The following PTP4A1 variants were observed in gnomAD, a reference collection of about 807,000 sequenced individuals.
PTP4A1 encodes the protein protein tyrosine phosphatase type IVA 1.
A neutral mutation model predicts 20.5 loss-of-function variants in PTP4A1; 9 were observed. The observed-to-expected ratio is 0.44, with a 90% confidence interval of 0.26 to 0.77. The LOEUF is 0.77. Ranked by LOEUF, PTP4A1 falls within the 30% of genes least tolerant of loss-of-function variation. PTP4A1 has a pLI of 0.19. For missense variants in PTP4A1, 137 were observed against 218.8 expected (o/e 0.63, Z 2.36); for synonymous variants, 78 against 67.4 (o/e 1.16, Z -0.77).
At chr6:63,525,055 G>T (rs553869083) in intron 1 of PTP4A1, among the ~76,000 whole-genome samples, 6 of 152,182 alleles carry the variant, frequency 3.9e-5, no homozygotes, top group Non-Finnish European at 7.4e-5. Context: ...AGACAGACTA[G>T]AGCAGCATTT....
chr6:63,564,147 T>C (rs923586823), intron 3 of PTP4A1, among the ~76,000 whole-genome samples: 2 of 151,884 alleles, frequency 1.3e-5, no homozygotes, highest in Non-Finnish European at 2.9e-5. Context: ...TGGTGGCAGG[T>C]GCCTGGTAAT....
Position 63,529,816 on chromosome 6 carries a change from G to A in PTP4A1, c.-640+1732G>A, listed in dbSNP as rs568226686. ...CCCACATCCTATATTGGCAAAATAC[G>A]TGCGTAAGAGGAATTGGCAGGAGCT... On this transcript the variant is annotated intron_variant, in intron 2 of 3. Coordinates refer to the PTP4A1 transcript ENST00000639568. 3.4e-4 allele frequency among the ~76,000 whole-genome samples: 52 copies of A among 152,222 alleles called. 1 individual carries two copies. In the Middle Eastern group the frequency reaches 0.01, roughly 30 times the overall value.
chr6:63,578,586 A>C lies in PTP4A1; in HGVS notation c.198+57A>C, dbSNP rs1026117249. 9 of 1,560,744 alleles carry C rather than the reference A, an allele frequency of 5.8e-6. No homozygotes were observed. In the African/African-American group the frequency reaches 8.4e-5, roughly 15 times the overall value. On this transcript the variant is annotated intron_variant, in intron 3 of 5. Coordinates refer to ENST00000626021, the MANE Select transcript of PTP4A1 (RefSeq NM_003463.5). ...GTGCTGTGCTACAAAAGTTTATTCA[A>C]ATAGTAAATTCAAATAAATATCTAT...
chr6:63,522,291 A>G (rs1215700794), intron 1 of PTP4A1, among the ~76,000 whole-genome samples: 2 of 152,228 alleles, frequency 1.3e-5, no homozygotes, highest in African/African-American at 4.8e-5. Flanking sequence ...AATTATTTGT[A>G]TAGTTATAAA....
At chr6:63,547,409 T>C (rs916368383) in intron 2 of PTP4A1, among the ~76,000 whole-genome samples, 2 of 151,530 alleles carry the variant, frequency 1.3e-5, no homozygotes, top group African/African-American at 4.9e-5. Context: ...AGGCTGGTCT[T>C]GAACTCCTGA....
chr6:63,569,411 C>A (rs1183854471), upstream of PTP4A1, among the ~76,000 whole-genome samples: 1 of 152,138 alleles, frequency 6.6e-6, no homozygotes, highest in Non-Finnish European at 1.5e-5. Flanking sequence ...TGCCTGCCAC[C>A]ATGCCCAGCT....
intron 2 of PTP4A1, chr6:63,549,070 G>A: frequency 1.4e-6 from 1 of 716,110 alleles, no homozygotes; most frequent in Non-Finnish European, 2.6e-6. Flanking sequence ...TTATTCTCTA[G>A]CAAGGTGGTG....
At chr6:63,518,947 T>G (rs902018587), upstream of PTP4A1, among the ~76,000 whole-genome samples, 1 of 152,188 alleles carries the variant, frequency 6.6e-6, no homozygotes, top group Admixed American at 6.5e-5. Context: ...TTCAGCAGGA[T>G]CTGGGTAGCA....
chr6:63,540,241 GA>G (rs1185438500), intron 2 of PTP4A1, among the ~76,000 whole-genome samples: 1 of 151,942 alleles, frequency 6.6e-6, no homozygotes, highest in Non-Finnish European at 1.5e-5. Flanking sequence ...CCAGCCACTA[GA>G]AAAGGCAGGA....
chr6:63,538,173 C>T (rs1237315107), intron 2 of PTP4A1, among the ~76,000 whole-genome samples: 2 of 152,074 alleles, frequency 1.3e-5, no homozygotes, highest in Non-Finnish European at 2.9e-5. Flanking sequence ...GGAATATGAG[C>T]CTTGGTGTTT....
chr6:63,549,731 C>G (rs897110917), intron 2 of PTP4A1, among the ~76,000 whole-genome samples: 1 of 151,778 alleles, frequency 6.6e-6, no homozygotes, highest in Non-Finnish European at 1.5e-5. Flanking sequence ...AGATTGTTCT[C>G]ACTCATATGT....
chr6:63,564,817 C>T (rs950098811), intron 3 of PTP4A1, among the ~76,000 whole-genome samples: 1 of 152,124 alleles, frequency 6.6e-6, no homozygotes. Flanking sequence ...AGAACAGCAA[C>T]AGAAATTTCA....
intron 3 of PTP4A1, among the ~76,000 whole-genome samples, chr6:63,566,431 A>G (rs1777192106): frequency 6.6e-6 from 1 of 152,152 alleles, no homozygotes; most frequent in African/African-American, 2.4e-5. Flanking sequence ...AGACATTATT[A>G]TCAGTGCCTG....
chr6:63,571,828 T>C (rs922544475), upstream of PTP4A1: 2 of 152,262 alleles, frequency 1.3e-5, no homozygotes, highest in Non-Finnish European at 1.5e-5. Context: ...TTCTATAGCC[T>C]TAAGTTTTGC....
At chr6:63,534,881 G>A (rs917803946) in intron 2 of PTP4A1, among the ~76,000 whole-genome samples, 1 of 141,568 alleles carries the variant, frequency 7.1e-6, no homozygotes, top group Non-Finnish European at 1.5e-5. Flanking sequence ...ATTTCAACAT[G>A]GTGAAATTTC....
At chr6:63,577,980 CTTCA>C (rs1451965348) in intron 2 of PTP4A1, among the ~76,000 whole-genome samples, 3 of 107,436 alleles carry the variant, frequency 2.8e-5, no homozygotes, top group African/African-American at 1.6e-4. Flanking sequence ...GTAGTTAAGA[CTTCA>C]TTCAATGTAA....
chr6:63,529,204 T>C (rs1274896228), intron 2 of PTP4A1, among the ~76,000 whole-genome samples: 1 of 148,934 alleles, frequency 6.7e-6, no homozygotes, highest in South Asian at 2.1e-4. Context: ...TATATATATA[T>C]GTATATATAT....
At position 63,556,400 on chromosome 6, in the gene PTP4A1, C is replaced by G. The variant is rs937536528; in HGVS notation, c.-446+5907C>G. Among the ~76,000 whole-genome samples the G allele has an allele frequency of 2.6e-5, 4 of 151,624 alleles. No individual in the cohort carries two copies. The East Asian group carries it at 7.8e-4, about 29-fold the overall frequency. ...CTCACTATGTTGCCCAGGCTGGTCT[C>G]AAGCTCCTGGGCTCAAGTGATCCTT... On this transcript the variant is annotated intron_variant, in intron 3 of 3. Coordinates refer to the PTP4A1 transcript ENST00000639568.
intron 2 of PTP4A1, among the ~76,000 whole-genome samples, chr6:63,531,805 T>C (rs1309318482): frequency 5.9e-5 from 9 of 152,156 alleles, no homozygotes; most frequent in Non-Finnish European, 2.9e-5. Context: ...ATAACACTTT[T>C]ATCTGCATGT....
Sources: allele counts gnomAD v4.1 joint callset (sites outside exome capture counted in the v4.1 genomes callset), GRCh38; gene constraint gnomAD v4.1.1; transcripts MANE v1.5; gene names NCBI Gene and HGNC (gene_info 2026-07-23, HGNC 2026-07-21).